Variants in GNG2 observed in about 807,000 individuals in gnomAD.
GNG2 encodes guanine nucleotide-binding protein G(I)/G(S)/G(O) subunit gamma-2.
GNG2 carries 5 observed loss-of-function variants against 5.5 expected under a neutral mutation model. The ratio of observed to expected loss-of-function variants is 0.91; its 90% CI spans 0.48 to 1.92. GNG2 has a LOEUF of 1.92. GNG2 is among the 30% of genes most tolerant of loss of function. The pLI is 0.01. For missense variants in GNG2, 55 were observed against 88.4 expected (o/e 0.62, Z 1.52); for synonymous variants, 28 against 32.0 (o/e 0.88, Z 0.42).
intron 2 of GNG2, among the ~76,000 whole-genome samples, chr14:51,908,869 G>T (rs1008749532): frequency 8.0e-5 from 12 of 149,738 alleles, no homozygotes; most frequent in Non-Finnish European, 1.5e-4. Context: ...ATGAGCCACC[G>T]CACCCAGCCT....
intron 2 of GNG2, among the ~76,000 whole-genome samples, chr14:51,842,503 A>T (rs1040479791): frequency 6.6e-6 from 1 of 152,112 alleles, no homozygotes; most frequent in Non-Finnish European, 1.5e-5. Context: ...AGCAGCTGGG[A>T]CACCCACTGT....
chr14:51,839,992 G>C (rs938218315), intron 2 of GNG2, among the ~76,000 whole-genome samples: 1 of 152,160 alleles, frequency 6.6e-6, no homozygotes, highest in Non-Finnish European at 1.5e-5. Flanking sequence ...TTGACTGACT[G>C]TCTTGCAATA....
chr14:51,909,926 T>C (rs1387173940), intron 2 of GNG2, among the ~76,000 whole-genome samples: 1 of 152,172 alleles, frequency 6.6e-6, no homozygotes, highest in Non-Finnish European at 1.5e-5. Flanking sequence ...TTAAGCAGCA[T>C]ACAAACTGAG....
chr14:51,958,032 GTTTTC>G (rs1566714772), intron 3 of GNG2, among the ~76,000 whole-genome samples: 1 of 152,070 alleles, frequency 6.6e-6, no homozygotes, highest in Non-Finnish European at 1.5e-5. Flanking sequence ...AAACCTATTT[GTTTTC>G]TTTTTGAAGT....
intron 1 of GNG2, among the ~76,000 whole-genome samples, chr14:51,866,850 C>A (rs1035060080): frequency 2.0e-5 from 3 of 152,180 alleles, no homozygotes; most frequent in African/African-American, 7.2e-5. Context: ...GAAAGATCTG[C>A]GTCATTCACA....
intron 2 of GNG2, among the ~76,000 whole-genome samples, chr14:51,900,371 G>A (rs747073051): frequency 6.6e-6 from 1 of 151,914 alleles, no homozygotes; most frequent in East Asian, 1.9e-4. Context: ...AGGAAACACT[G>A]AGTGAAAAAA....
Position 51,838,313 on chromosome 14 carries a change from G to A in GNG2, c.64+10506G>A, listed in dbSNP as rs538752137. Among the ~76,000 whole-genome samples the A allele has an allele frequency of 9.9e-5, 15 of 152,102 alleles. No individual in the cohort carries two copies. The East Asian group carries it at 1.7e-3, about 18-fold the overall frequency. Reference sequence around the variant, plus strand: ...CCAAAAATTAGCCAGGCGTGGTGGCGTGCACCTGTAATCACAGCTGCTCAG... The same window carrying A: ...CCAAAAATTAGCCAGGCGTGGTGGCATGCACCTGTAATCACAGCTGCTCAG... On this transcript the variant is annotated intron_variant, in intron 2 of 3. Coordinates refer to the GNG2 transcript ENST00000553432.
chr14:51,909,351 A>C (rs1020373795), intron 2 of GNG2, among the ~76,000 whole-genome samples: 9 of 152,212 alleles, frequency 5.9e-5, no homozygotes, highest in African/African-American at 2.2e-4. Flanking sequence ...TTTTCAAGTG[A>C]AAGGGTATAA....
chr14:51,934,804 A>G (rs1887874249), intron 2 of GNG2, among the ~76,000 whole-genome samples: 1 of 152,164 alleles, frequency 6.6e-6, no homozygotes. Context: ...CCACATTTAT[A>G]AAAAAGAGCT....
At chr14:51,831,146 A>G (rs1459083570) in intron 2 of GNG2, among the ~76,000 whole-genome samples, 3 of 152,192 alleles carry the variant, frequency 2.0e-5, no homozygotes, top group Non-Finnish European at 2.9e-5. Context: ...AAAATTATTT[A>G]ACTCCAACAG....
chr14:51,852,044 G>A (rs113530665), intron 2 of GNG2, among the ~76,000 whole-genome samples: 1 of 152,082 alleles, frequency 6.6e-6, no homozygotes, highest in Non-Finnish European at 1.5e-5. Context: ...AGCAGTGAGG[G>A]TGTACGTAAA....
At chr14:51,959,886 T>C (rs1211712648) in intron 3 of GNG2, among the ~76,000 whole-genome samples, 1 of 152,184 alleles carries the variant, frequency 6.6e-6, no homozygotes, top group Non-Finnish European at 1.5e-5. Flanking sequence ...ATAACCACTA[T>C]GTTTCATTGC....
At chr14:51,959,122 A>G (rs568958333) in intron 3 of GNG2, among the ~76,000 whole-genome samples, 2 of 152,000 alleles carry the variant, frequency 1.3e-5, no homozygotes, top group East Asian at 1.9e-4. Context: ...AGGCTCTCCA[A>G]CTTATTACAT....
intron 2 of GNG2, among the ~76,000 whole-genome samples, chr14:51,896,058 A>G (rs545251810): frequency 6.6e-6 from 1 of 152,328 alleles, no homozygotes; most frequent in African/African-American, 2.4e-5. Flanking sequence ...AAAACAGACT[A>G]ATATACCCAC....
At chr14:51,918,911 C>G (rs914329223) in intron 2 of GNG2, among the ~76,000 whole-genome samples, 1 of 152,160 alleles carries the variant, frequency 6.6e-6, no homozygotes, top group Non-Finnish European at 1.5e-5. Context: ...CGCAACCTCC[C>G]CCTACCAGGT....
At position 51,908,023 on chromosome 14, in the gene GNG2, A is replaced by G. The variant is rs573899185; in HGVS notation, c.-30+30366A>G. 9.7e-4 allele frequency among the ~76,000 whole-genome samples: 148 copies of G among 152,344 alleles called. 2 individuals carry two copies. Among genetic ancestry groups the G allele is most frequent in the Non-Finnish European group, 1.0e-3 (70 of 68,034 alleles). On this transcript the variant is annotated intron_variant, in intron 2 of 3. Coordinates refer to ENST00000556766, the MANE Select transcript of GNG2 (RefSeq NM_053064.5). The stretch of plus-strand genomic sequence containing the variant: ...AACTTAATGTCTTAAAACAACAAAC[A>G]TCTATCTTCTAATAGTTTTGTGGAT...
intron 1 of GNG2, among the ~76,000 whole-genome samples, chr14:51,863,627 T>C (rs897646940): frequency 2.6e-5 from 4 of 152,206 alleles, no homozygotes; most frequent in African/African-American, 9.7e-5. Context: ...CGTCCATCCA[T>C]AGAACTGTCT....
intron 2 of GNG2, among the ~76,000 whole-genome samples, chr14:51,934,542 C>A (rs1379824634): frequency 1.3e-5 from 2 of 152,124 alleles, no homozygotes; most frequent in Non-Finnish European, 2.9e-5. Flanking sequence ...TCAGCACTCT[C>A]ACTTTACAGA....
At chr14:51,863,895 A>G (rs1027579475) in intron 1 of GNG2, among the ~76,000 whole-genome samples, 1 of 152,220 alleles carries the variant, frequency 6.6e-6, no homozygotes, top group African/African-American at 2.4e-5. Flanking sequence ...CATTGAATGT[A>G]TAGACTATAC....
Sources: allele counts gnomAD v4.1 joint callset (sites outside exome capture counted in the v4.1 genomes callset), GRCh38; gene constraint gnomAD v4.1.1; transcripts MANE v1.5; gene names NCBI Gene and HGNC (gene_info 2026-07-23, HGNC 2026-07-21).